Variants in PBX1 observed in about 807,000 individuals in gnomAD.
PBX1 encodes PBX homeobox 1, also known as pre-B-cell leukemia transcription factor 1.
In PBX1, 6 loss-of-function variants were observed where a neutral mutation model predicts 53.4. The ratio of observed to expected loss-of-function variants is 0.11; its 90% CI spans 0.06 to 0.22. The LOEUF is 0.22. Ranked by LOEUF, PBX1 falls within the 10% of genes least tolerant of loss-of-function variation. The pLI, the probability that PBX1 is intolerant of heterozygous loss-of-function variation, is 1.00. For missense variants in PBX1, 251 were observed against 551.4 expected (o/e 0.46, Z 5.46); for synonymous variants, 204 against 212.3 (o/e 0.96, Z 0.34).
intron 2 of PBX1, among the ~76,000 whole-genome samples, chr1:164,720,394 G>A (rs1160553739): frequency 3.3e-5 from 5 of 152,054 alleles, no homozygotes; most frequent in East Asian, 1.9e-4. Flanking sequence ...GAAGTCACCC[G>A]TACTGCCAAG....
At chr1:164,660,059 GGGAAAAATCACATGCT>G (rs1571168201) in intron 2 of PBX1, among the ~76,000 whole-genome samples, 1 of 152,164 alleles carries the variant, frequency 6.6e-6, no homozygotes, top group African/African-American at 2.4e-5. Context: ...GTAGAAGTTA[GGGAAAAATCACATGCT>G]GTTTCTAAAA....
At chr1:164,784,056 A>G (rs1046721175) in intron 2 of PBX1, among the ~76,000 whole-genome samples, 5 of 152,214 alleles carry the variant, frequency 3.3e-5, no homozygotes, top group African/African-American at 4.8e-5. Flanking sequence ...ATGTGTAACT[A>G]AGAAGGAAAC....
At chr1:164,784,738 C>A (rs1227170022) in intron 2 of PBX1, among the ~76,000 whole-genome samples, 5 of 152,170 alleles carry the variant, frequency 3.3e-5, no homozygotes, top group African/African-American at 1.2e-4. Context: ...CGGTGCCTGG[C>A]ACCATAGTAA....
chr1:164,598,409 G>A (rs7535186), intron 2 of PBX1, among the ~76,000 whole-genome samples: 74,940 of 151,942 alleles, frequency 0.49, 19,114 homozygotes, highest in Middle Eastern at 0.55. Context: ...ACACTGTGGA[G>A]GGTTAAGTCA....
chr1:164,788,684 A>G (rs1668321935), intron 2 of PBX1, among the ~76,000 whole-genome samples: 2 of 151,814 alleles, frequency 1.3e-5, no homozygotes, highest in African/African-American at 4.8e-5. Context: ...TTCTATTTTC[A>G]TAATTTGAGT....
intron 2 of PBX1, among the ~76,000 whole-genome samples, chr1:164,880,507 G>C (rs1249691432): frequency 6.6e-6 from 1 of 152,150 alleles, no homozygotes; most frequent in Non-Finnish European, 1.5e-5. Context: ...AGATCTTTTG[G>C]CCAAGCGTTC....
chr1:164,778,471 C>G (rs1261435485), intron 2 of PBX1, among the ~76,000 whole-genome samples: 15 of 152,042 alleles, frequency 9.9e-5, no homozygotes, highest in Admixed American at 9.8e-4. Flanking sequence ...TAGGGAGGCC[C>G]TATCTCTACA....
At chr1:164,870,321 CTTTCTTTCTTTCTTTCT>C (rs1672343438) in intron 2 of PBX1, among the ~76,000 whole-genome samples, 1 of 96,332 alleles carries the variant, frequency 1.0e-5, no homozygotes, top group African/African-American at 4.4e-5. Context: ...TTCTTTCTTT[CTTTCTTTCTTTCTTTCT>C]TTCTTTCTTT....
At position 164,828,834 on chromosome 1, in the gene PBX1, C is replaced by T. The variant is rs372589451; in HGVS notation, c.1200+7208C>T. 1.4e-4 allele frequency: 22 copies of T among 152,218 alleles called. No individual in the cohort carries two copies. The East Asian group carries it at 3.1e-3, about 21-fold the overall frequency. The allele number at this position is 152,218 out of a possible 1,614,324, so 9.4% of individuals were successfully genotyped here. ...CTGAGTCTAGCCTCACCCCTTCTTG[C>T]CTTTTAGGAAGAGTTCCATGTTCTT... On this transcript the variant is annotated intron_variant, in intron 8 of 8. Transcript: ENST00000420696.
intron 8 of PBX1, 63 bp from the exon 9 acceptor site, chr1:164,846,521 T>C: frequency 7.1e-7 from 1 of 1,400,034 alleles, no homozygotes; most frequent in Non-Finnish European, 1.0e-6. Context: ...CTCATTGTCA[T>C]TGTCTGCTGA....
intron 2 of PBX1, chr1:164,577,003 G>A (rs1294617028): frequency 6.6e-6 from 1 of 152,270 alleles, no homozygotes; most frequent in Non-Finnish European, 1.5e-5. Flanking sequence ...GTGAGCACGT[G>A]GGTGAGTGTG....
At chr1:164,649,153 G>T (rs559218692) in intron 2 of PBX1, among the ~76,000 whole-genome samples, 3 of 152,256 alleles carry the variant, frequency 2.0e-5, no homozygotes, top group South Asian at 4.1e-4. Flanking sequence ...ACCGCCATGC[G>T]CTTAGTCACT....
At chr1:164,670,856 C>T (rs769772397) in intron 2 of PBX1, among the ~76,000 whole-genome samples, 3 of 152,208 alleles carry the variant, frequency 2.0e-5, no homozygotes, top group Non-Finnish European at 4.4e-5. Context: ...TGTTTTCTTT[C>T]TGCCTGTGTC....
At chr1:164,845,416 A>G (rs980201360) in intron 8 of PBX1, among the ~76,000 whole-genome samples, 2 of 152,056 alleles carry the variant, frequency 1.3e-5, no homozygotes, top group Non-Finnish European at 2.9e-5. Flanking sequence ...ATCTCCCCCA[A>G]ATTTTTCAGA....
At chr1:164,620,504 C>G (rs7554454) in intron 2 of PBX1, among the ~76,000 whole-genome samples, 8 of 151,858 alleles carry the variant, frequency 5.3e-5, no homozygotes, top group African/African-American at 1.9e-4. Flanking sequence ...AATCTTTTTT[C>G]TTTTTTGTTC....
chr1:164,579,424 C>T (rs1220571244), intron 2 of PBX1, among the ~76,000 whole-genome samples: 1 of 152,108 alleles, frequency 6.6e-6, no homozygotes, highest in Non-Finnish European at 1.5e-5. Context: ...ATTAGACCAC[C>T]TGTCTCCTTA....
chr1:164,591,376 TATTA>T (rs1655368886), intron 2 of PBX1, among the ~76,000 whole-genome samples: 1 of 152,196 alleles, frequency 6.6e-6, no homozygotes, highest in Non-Finnish European at 1.5e-5. Context: ...GGGAAAACCT[TATTA>T]ATTAAGATCT....
intron 2 of PBX1, among the ~76,000 whole-genome samples, chr1:164,747,058 T>C (rs763627208): frequency 9.2e-5 from 14 of 152,182 alleles, no homozygotes; most frequent in Non-Finnish European, 1.6e-4. Flanking sequence ...ATTGTGCAGG[T>C]GAGGAATTGA....
chr1:164,854,864 C>G (rs1369782354), downstream of PBX1, among the ~76,000 whole-genome samples: 3 of 151,918 alleles, frequency 2.0e-5, no homozygotes, highest in East Asian at 5.8e-4. Flanking sequence ...TCTCCTGTAC[C>G]CTCAGCCAAA....
Sources: gnomAD v4.1 joint callset for allele counts (sites outside exome capture counted in the v4.1 genomes callset) on GRCh38, gnomAD v4.1.1 for gene constraint, MANE v1.5 for transcripts, NCBI Gene and HGNC (gene_info 2026-07-23, HGNC 2026-07-21) for gene names.